Variants in ANGPT1 observed in about 807,000 individuals in gnomAD.
The protein encoded by ANGPT1 is angiopoietin-1.
A neutral mutation model predicts 62.2 loss-of-function variants in ANGPT1; 17 were observed. The ratio of observed to expected loss-of-function variants is 0.27; its 90% CI spans 0.19 to 0.41. ANGPT1 has a LOEUF of 0.41. ANGPT1 is among the 10% of genes least tolerant of loss of function. The pLI is 1.00. For synonymous variants in ANGPT1, 199 were observed against 198.9 expected (o/e 1.00, Z 0.00); for missense variants, 478 against 594.9 (o/e 0.80, Z 2.04).
chr8:107,459,729 T>C (rs931495662), intron 1 of ANGPT1, among the ~76,000 whole-genome samples: 8 of 152,156 alleles, frequency 5.3e-5, no homozygotes, highest in Non-Finnish European at 1.0e-4. Context: ...AGTTATTTTT[T>C]GTATATAGTC....
At chr8:107,303,137 C>CTA in intron 5 of ANGPT1, 103 bp downstream of exon 5, 1 of 1,379,332 alleles carries the variant, frequency 7.2e-7, no homozygotes, top group Non-Finnish European at 1.0e-6. Context: ...TCAGGCATCT[C>CTA]TATATATATT....
rs1339762678 is a variant in ANGPT1, at chr8:107,403,560, T to A, written c.298-56463A>T. On this transcript the variant is annotated intron_variant, in intron 1 of 8. Transcript: ENST00000517746. ...TGATAAGGGTAAAGGGAGTATCACA[T>A]GAAAAAAAATCAAGTTATAGGAAAA... is the stretch of plus-strand genomic sequence containing the variant. Among the ~76,000 whole-genome samples the A allele has an allele frequency of 4.6e-5, 7 of 152,068 alleles. No homozygotes were observed. In the South Asian group the frequency reaches 8.3e-4, roughly 18 times the overall value.
At chr8:107,430,428 C>G (rs1029186774) in intron 1 of ANGPT1, among the ~76,000 whole-genome samples, 1 of 152,148 alleles carries the variant, frequency 6.6e-6, no homozygotes, top group African/African-American at 2.4e-5. Flanking sequence ...ACTTTGAGCT[C>G]CTTGAGGGCA....
chr8:107,274,605 A>G (rs1314632200), intron 7 of ANGPT1, among the ~76,000 whole-genome samples: 3 of 152,170 alleles, frequency 2.0e-5, no homozygotes, highest in Non-Finnish European at 4.4e-5. Flanking sequence ...ACAACAATCC[A>G]GGGAACTTAA....
At chr8:107,294,844 G>A (rs1056061964) in intron 5 of ANGPT1, 7 of 152,202 alleles carry the variant, frequency 4.6e-5, no homozygotes, top group East Asian at 1.9e-4. Flanking sequence ...GATTATCGTC[G>A]GAGAGCAATC....
At position 107,481,709 on chromosome 8, in the gene ANGPT1, A is replaced by G. The variant is rs151289397; in HGVS notation, c.297+15553T>C. Reference sequence around the variant, plus strand: ...GGGGGGAGGCCTCAGGAAACTTACAATCTTGGCAGAAGGCATCTCTTCACA... The same window carrying G: ...GGGGGGAGGCCTCAGGAAACTTACAGTCTTGGCAGAAGGCATCTCTTCACA... On this transcript the variant is annotated intron_variant, in intron 1 of 8. Coordinates refer to ENST00000517746, the MANE Select transcript of ANGPT1 (RefSeq NM_001146.5). 1.7e-3 allele frequency among the ~76,000 whole-genome samples: 260 copies of G among 152,212 alleles called. 1 individual carries two copies. Among genetic ancestry groups the G allele is most frequent in the Middle Eastern group, 6.8e-3 (2 of 294 alleles).
chr8:107,486,445 A>G (rs1444993493), intron 1 of ANGPT1, among the ~76,000 whole-genome samples: 1 of 152,154 alleles, frequency 6.6e-6, no homozygotes, highest in Non-Finnish European at 1.5e-5. Context: ...GAGGTATTCA[A>G]TGAATTAACA....
intron 6 of ANGPT1, among the ~76,000 whole-genome samples, chr8:107,291,245 G>A (rs551968017): frequency 2.8e-4 from 43 of 152,278 alleles, no homozygotes; most frequent in Admixed American, 4.6e-4. Context: ...AATTCAGTGT[G>A]CCAAAGTGCT....
intron 1 of ANGPT1, among the ~76,000 whole-genome samples, chr8:107,402,126 T>C (rs940849726): frequency 5.3e-5 from 8 of 152,160 alleles, no homozygotes; most frequent in African/African-American, 1.7e-4. Context: ...CTATAAAAAC[T>C]CATCACTTCT....
chr8:107,345,615 A>T (rs1815787979), intron 2 of ANGPT1, among the ~76,000 whole-genome samples: 1 of 152,180 alleles, frequency 6.6e-6, no homozygotes, highest in African/African-American at 2.4e-5. Flanking sequence ...AACATGTGAG[A>T]GTATTTTGTA....
chr8:107,249,636 C>A lies in ANGPT1; in HGVS notation c.*2219G>T, dbSNP rs1813204099. The A allele has an allele frequency of 6.6e-6, 1 of 151,942 alleles. No homozygotes were observed. Among genetic ancestry groups the A allele is most frequent in the Non-Finnish European group, 1.5e-5 (1 of 67,984 alleles). The allele number at this position is 151,942 out of a possible 1,614,324, so 9.4% of individuals were successfully genotyped here. A position where few individuals can be genotyped will look rare whatever the true frequency, so the allele number is the denominator to read the frequency against. ...TAAAAGAATACACATGTTAAATTGCCATAAACATGTACGTATTACATAATA... is the reference window on the plus strand; with the variant it reads ...TAAAAGAATACACATGTTAAATTGCAATAAACATGTACGTATTACATAATA... On this transcript the variant is annotated 3_prime_UTR_variant, in exon 9 of 9. Coordinates refer to ENST00000517746, the MANE Select transcript of ANGPT1 (RefSeq NM_001146.5).
intron 1 of ANGPT1, among the ~76,000 whole-genome samples, chr8:107,396,588 A>G (rs1816941217): frequency 7.4e-6 from 1 of 134,266 alleles, no homozygotes; most frequent in South Asian, 2.3e-4. Flanking sequence ...CACCATGACC[A>G]AAACTCACTG....
chr8:107,496,866 G>A (rs1813114079), intron 1 of ANGPT1, among the ~76,000 whole-genome samples: 2 of 151,938 alleles, frequency 1.3e-5, no homozygotes, highest in African/African-American at 2.4e-5. Context: ...AAAATTTTCT[G>A]GTGCAAAATC....
intron 1 of ANGPT1, among the ~76,000 whole-genome samples, chr8:107,459,136 CA>C (rs1811999111): frequency 1.3e-5 from 2 of 152,170 alleles, no homozygotes; most frequent in Admixed American, 6.6e-5. Flanking sequence ...ATATCCCATT[CA>C]GTAACTTTTG....
At chr8:107,326,250 C>G (rs1213123408) in intron 3 of ANGPT1, among the ~76,000 whole-genome samples, 2 of 152,098 alleles carry the variant, frequency 1.3e-5, no homozygotes, top group African/African-American at 4.8e-5. Flanking sequence ...ATATGCATAA[C>G]AACTACAAGC....
intron 1 of ANGPT1, among the ~76,000 whole-genome samples, chr8:107,355,707 C>T (rs1816029762): frequency 6.6e-6 from 1 of 152,164 alleles, no homozygotes. Flanking sequence ...TTTTTCAAAA[C>T]TCAGTTCAAG....
intron 7 of ANGPT1, among the ~76,000 whole-genome samples, chr8:107,281,745 T>G (rs1017926800): frequency 6.6e-6 from 1 of 152,120 alleles, no homozygotes; most frequent in African/African-American, 2.4e-5. Context: ...GCCATTGCAC[T>G]CCAGCCTGGG....
chr8:107,461,463 T>C (rs1812069894), intron 1 of ANGPT1, among the ~76,000 whole-genome samples: 1 of 152,194 alleles, frequency 6.6e-6, no homozygotes, highest in African/African-American at 2.4e-5. Context: ...CAAGTCAGGA[T>C]ACTTTTTACA....
At chr8:107,381,854 G>T (rs1388325647) in intron 1 of ANGPT1, among the ~76,000 whole-genome samples, 3 of 152,180 alleles carry the variant, frequency 2.0e-5, no homozygotes, top group Non-Finnish European at 4.4e-5. Flanking sequence ...GCTAAGGTTT[G>T]TTGGCTGATC....
Sources: allele counts gnomAD v4.1 joint callset (sites outside exome capture counted in the v4.1 genomes callset), GRCh38; gene constraint gnomAD v4.1.1; transcripts MANE v1.5; gene names NCBI Gene and HGNC (gene_info 2026-07-23, HGNC 2026-07-21).